MBD5: variants seen among roughly 807,000 people sequenced by gnomAD.
MBD5 encodes methyl-CpG binding domain protein 5, also known as methyl-CpG-binding domain protein 5.
Under a neutral mutation model 117.3 loss-of-function variants are expected in MBD5, and 13 were observed. That is an observed-to-expected ratio of 0.11 (90% confidence interval 0.07 to 0.18). MBD5 has a LOEUF of 0.18. Among genes scored for constraint, MBD5 ranks in the 10% least tolerant of loss-of-function variants. The pLI is 1.00. For synonymous variants in MBD5, 727 were observed against 766.4 expected (o/e 0.95, Z 0.85); for missense variants, 1,879 against 2,093.8 (o/e 0.90, Z 2.00).
chr2:148,230,676 T>A (rs941490016), intron 2 of MBD5, among the ~76,000 whole-genome samples: 7 of 151,808 alleles, frequency 4.6e-5, no homozygotes, highest in African/African-American at 1.5e-4. Flanking sequence ...AGCCAGCAAG[T>A]CTCAGAGTCT....
intron 2 of MBD5, among the ~76,000 whole-genome samples, chr2:148,226,367 G>GT (rs1179257494): frequency 2.6e-5 from 4 of 151,836 alleles, no homozygotes; most frequent in African/African-American, 9.7e-5. Flanking sequence ...GTGGTGTTTG[G>GT]TTTTTTGTCC....
chr2:148,320,999 C>T (rs1702269087), intron 3 of MBD5, among the ~76,000 whole-genome samples: 1 of 151,984 alleles, frequency 6.6e-6, no homozygotes, highest in African/African-American at 2.4e-5. Flanking sequence ...TGATACCTTA[C>T]ATTTTAAATG....
chr2:148,026,953 A>C (rs1693912239), intron 1 of MBD5: 1 of 152,124 alleles, frequency 6.6e-6, no homozygotes, highest in South Asian at 2.1e-4. Flanking sequence ...CAGTAAAAAA[A>C]AGTTCAGTTC....
At chr2:148,095,761 A>T (rs946999482) in intron 1 of MBD5, among the ~76,000 whole-genome samples, 1 of 151,684 alleles carries the variant, frequency 6.6e-6, no homozygotes, top group Non-Finnish European at 1.5e-5. Context: ...GGCTACCTTC[A>T]TCAGACTTGA....
At chr2:148,475,162 T>C (rs1306614478) in intron 8 of MBD5, among the ~76,000 whole-genome samples, 1 of 152,140 alleles carries the variant, frequency 6.6e-6, no homozygotes, top group Non-Finnish European at 1.5e-5. Flanking sequence ...GTATTTTCAC[T>C]CAAATTTTTA....
At position 148,113,070 on chromosome 2, in the gene MBD5, A is replaced by G. The variant is rs185437751; in HGVS notation, c.-924-65630A>G. On this transcript the variant is annotated intron_variant, in intron 1 of 13. Transcript: ENST00000642680. Reference sequence around the variant, plus strand: ...GATAGCAATCACCAGTATTACTTCTACTTTAGCGTACAGTGAGTCAGCCAT... The same window carrying G: ...GATAGCAATCACCAGTATTACTTCTGCTTTAGCGTACAGTGAGTCAGCCAT... 4.9e-4 allele frequency among the ~76,000 whole-genome samples: 75 copies of G among 152,328 alleles called. No individual in the cohort carries two copies. The East Asian group carries it at 0.013, about 27-fold the overall frequency.
At chr2:148,349,562 G>A (rs1018361498) in intron 4 of MBD5, among the ~76,000 whole-genome samples, 2 of 151,856 alleles carry the variant, frequency 1.3e-5, no homozygotes, top group African/African-American at 2.4e-5. Context: ...TGTTAATGAC[G>A]GAGAAGAAAA....
chr2:148,458,437 C>T lies in MBD5; in HGVS notation c.-322C>T, dbSNP rs1486369405. Reference sequence around the variant, plus strand: ...ATGTTGAACTAAAAACTTTACACTCCCCACCCCCACTTCAGACAGGTACCA... The same window carrying T: ...ATGTTGAACTAAAAACTTTACACTCTCCACCCCCACTTCAGACAGGTACCA... On this transcript the variant is annotated 5_prime_UTR_variant, in exon 5 of 14. Transcript: ENST00000642680. 3 of 559,382 alleles carry T rather than the reference C, an allele frequency of 5.4e-6. No individual in the cohort carries two copies. In the East Asian group the frequency reaches 8.4e-5, roughly 16 times the overall value. The allele number at this position is 559,382 out of a possible 1,614,324, so 34.7% of individuals were successfully genotyped here.
intron 1 of MBD5, among the ~76,000 whole-genome samples, chr2:148,112,511 C>T (rs1696524927): frequency 6.6e-6 from 1 of 152,124 alleles, no homozygotes; most frequent in Non-Finnish European, 1.5e-5. Context: ...GAATTTTTAA[C>T]ACTTTGCAAA....
At chr2:148,225,633 G>T (rs1699800749) in intron 2 of MBD5, among the ~76,000 whole-genome samples, 1 of 152,136 alleles carries the variant, frequency 6.6e-6, no homozygotes. Context: ...ATTTCCTGCA[G>T]AAAGTTCTGG....
intron 1 of MBD5, among the ~76,000 whole-genome samples, chr2:148,176,231 G>A (rs1205919436): frequency 6.7e-6 from 1 of 149,212 alleles, no homozygotes; most frequent in African/African-American, 2.5e-5. Context: ...TTCTGGTTTA[G>A]TAGTTTTTAA....
At chr2:148,349,498 A>G (rs563966896) in intron 4 of MBD5, among the ~76,000 whole-genome samples, 19 of 152,094 alleles carry the variant, frequency 1.2e-4, no homozygotes, top group Admixed American at 4.6e-4. Flanking sequence ...ACTATTTATT[A>G]TGTAAATATG....
intron 1 of MBD5, among the ~76,000 whole-genome samples, chr2:148,101,323 A>T (rs1360368434): frequency 6.6e-6 from 1 of 152,078 alleles, no homozygotes; most frequent in Non-Finnish European, 1.5e-5. Flanking sequence ...TTAGCCAGGC[A>T]TGGTGGCACA....
Position 148,484,060 on chromosome 2 carries a change from C to T in MBD5, c.3469C>T (p.Pro1157Ser), listed in dbSNP as rs1192199916. 6.5e-7 allele frequency: 1 copy of T among 1,548,722 alleles called. No homozygotes were observed. Among genetic ancestry groups the T allele is most frequent in the Non-Finnish European group, 8.7e-7 (1 of 1,146,034 alleles). Residue 1157 changes from proline to serine, a missense_variant, in exon 9 of 14, where the codon CCT becomes TCT. This residue lies in a region of MBD5 where 1,666 missense variants were observed against 1,792.2 expected (regional missense o/e 0.93). Coordinates refer to ENST00000642680, the MANE Select transcript of MBD5 (RefSeq NM_001378120.1). ...TATATCTAATAATGCTGGGAATACACCTGGTCCAGCTAAACTCAACAGTAA... is the reference window on the plus strand; with the variant it reads ...TATATCTAATAATGCTGGGAATACATCTGGTCCAGCTAAACTCAACAGTAA... ...LNISNNAGNTPGPAKLNSNSV... is the reference protein window; with the variant it reads ...LNISNNAGNTSGPAKLNSNSV...
intron 4 of MBD5, among the ~76,000 whole-genome samples, chr2:148,389,937 A>G (rs1041606566): frequency 1.3e-5 from 2 of 151,562 alleles, no homozygotes; most frequent in Admixed American, 6.6e-5. Context: ...TTTAAGTCCT[A>G]TTTGTCTGTT....
intron 4 of MBD5, among the ~76,000 whole-genome samples, chr2:148,405,944 C>G (rs1705063378): frequency 6.6e-6 from 1 of 152,022 alleles, no homozygotes; most frequent in Admixed American, 6.6e-5. Flanking sequence ...CATGGTGAAA[C>G]CAAATCTCTA....
chr2:148,294,520 T>TTTTTTTTTTGTTTGTTTTTTTTTTG (rs1701601792), intron 3 of MBD5, among the ~76,000 whole-genome samples: 1 of 121,354 alleles, frequency 8.2e-6, no homozygotes, highest in African/African-American at 3.1e-5. Context: ...TTTTTTTTTT[T>TTTTTTTTTTGTTTGTTTTTTTTTTG]TGAGATAGAG....
chr2:148,455,632 A>C (rs1282307820), intron 4 of MBD5, among the ~76,000 whole-genome samples: 1 of 152,078 alleles, frequency 6.6e-6, no homozygotes, highest in East Asian at 1.9e-4. Flanking sequence ...ATTTTTGATT[A>C]CTGAAATGTG....
rs543466732 is a variant in MBD5, at chr2:148,139,257, A to G, written c.-924-39443A>G. Among the ~76,000 whole-genome samples the G allele has an allele frequency of 2.0e-5, 3 of 152,076 alleles. No homozygotes were observed. In the South Asian group the frequency reaches 6.2e-4, roughly 32 times the overall value. On this transcript the variant is annotated intron_variant, in intron 1 of 13. Coordinates refer to ENST00000642680, the MANE Select transcript of MBD5 (RefSeq NM_001378120.1). ...GTTTCGCTCTTACTGCCCAGGCTGG[A>G]GTGCAGTGACGCAATCTCGGCTCAC... is the stretch of plus-strand genomic sequence containing the variant.
Sources: allele counts gnomAD v4.1 joint callset (sites outside exome capture counted in the v4.1 genomes callset), GRCh38; gene constraint gnomAD v4.1.1; regional missense constraint gnomAD v4.1.1; transcripts MANE v1.5; gene names NCBI Gene and HGNC (gene_info 2026-07-23, HGNC 2026-07-21).